Variants in DLC1 observed in about 807,000 individuals in gnomAD.
DLC1 encodes the protein rho GTPase-activating protein 7.
A neutral mutation model predicts 140.3 loss-of-function variants in DLC1; 54 were observed. That is an observed-to-expected ratio of 0.38 (90% CI 0.31 to 0.48). DLC1 has a LOEUF of 0.48. Among genes scored for constraint, DLC1 ranks in the 20% least tolerant of loss-of-function variants. DLC1 has a pLI of 0.96. For missense variants in DLC1, 2,536 were observed against 1,907.0 expected, an observed-to-expected ratio of 1.33 and a Z score of -6.14; for synonymous variants, 986 against 728.1, an observed-to-expected ratio of 1.35 and a Z score of -5.70.
In DLC1 at chr8:13,499,533, T is replaced by C. The variant is rs145216060; in HGVS notation, c.539A>G (p.Glu180Gly). The change falls in exon 2 of 18, where the codon GAG becomes GGG. Residue 180 changes from glutamate to glycine, a missense_variant. Physicochemically the swap from Glu to Gly is moderately conservative, Grantham distance 98 (BLOSUM62 -2). Transcript: ENST00000276297. ...ACTTATAGAGTCAGTAACTTTTCTCTCCCCACTTTCTTTTACCAGTGCTAA... is the reference window on the plus strand; with the variant it reads ...ACTTATAGAGTCAGTAACTTTTCTCCCCCCACTTTCTTTTACCAGTGCTAA... ...TELALVKESG[E>G]RKVTDSISKS... The C allele has an allele frequency of 6.2e-7, 1 of 1,614,168 alleles. No individual in the cohort carries two copies. Among genetic ancestry groups the C allele is most frequent in the Non-Finnish European group, 8.5e-7 (1 of 1,180,022 alleles).
In DLC1 at chr8:13,493,105, G is replaced by T. The variant is rs528895069; in HGVS notation, c.1023+5944C>A. Among the ~76,000 whole-genome samples the T allele has an allele frequency of 1.6e-4, 25 of 152,262 alleles. No homozygotes were observed. The South Asian group carries it at 4.8e-3, about 29-fold the overall frequency. Reference sequence around the variant, plus strand: ...GTTTCATTGCCAGCTCCAGTCTTTAGCCTAGGGAAACAAGTGTCAAAACAA... The same window carrying T: ...GTTTCATTGCCAGCTCCAGTCTTTATCCTAGGGAAACAAGTGTCAAAACAA... On this transcript the variant is annotated intron_variant, in intron 2 of 17. Transcript: ENST00000276297.
At chr8:13,554,755 G>T (rs898400089) in intron 1 of DLC1, among the ~76,000 whole-genome samples, 1 of 152,138 alleles carries the variant, frequency 6.6e-6, no homozygotes, top group East Asian at 1.9e-4. Context: ...CTGCCTTTAT[G>T]CTCTGGTTCT....
intron 1 of DLC1, among the ~76,000 whole-genome samples, chr8:13,590,453 G>C (rs925702692): frequency 6.6e-6 from 1 of 152,150 alleles, no homozygotes. Context: ...CATGAAAACA[G>C]CTGGTTCTTT....
chr8:13,463,785 A>T (rs972111281), intron 2 of DLC1, among the ~76,000 whole-genome samples: 1 of 152,144 alleles, frequency 6.6e-6, no homozygotes, highest in African/African-American at 2.4e-5. Flanking sequence ...AAAGACTGGG[A>T]TTATCATCCT....
At chr8:13,136,095 G>T (rs1282125952) in intron 5 of DLC1, among the ~76,000 whole-genome samples, 1 of 152,190 alleles carries the variant, frequency 6.6e-6, no homozygotes, top group Admixed American at 6.5e-5. Flanking sequence ...GCTACATTTT[G>T]AAAGCTGCTA....
intron 4 of DLC1, among the ~76,000 whole-genome samples, chr8:13,348,844 G>A (rs1834496284): frequency 6.6e-6 from 1 of 152,186 alleles, no homozygotes; most frequent in Non-Finnish European, 1.5e-5. Context: ...GCTAAAGGCT[G>A]CAGAGAGCTG....
chr8:13,146,426 T>C (rs1419998435), intron 5 of DLC1, among the ~76,000 whole-genome samples: 1 of 152,120 alleles, frequency 6.6e-6, no homozygotes, highest in East Asian at 1.9e-4. Context: ...ACTAGTGAGC[T>C]AGTGATACTA....
intron 5 of DLC1, among the ~76,000 whole-genome samples, chr8:13,290,133 C>G (rs1586077992): frequency 6.6e-6 from 1 of 152,092 alleles, no homozygotes; most frequent in African/African-American, 2.4e-5. Context: ...TAAAATGTGA[C>G]TTTTTGGTAG....
chr8:13,316,335 CAG>C (rs766732183), intron 4 of DLC1, among the ~76,000 whole-genome samples: 1 of 152,012 alleles, frequency 6.6e-6, no homozygotes, highest in Non-Finnish European at 1.5e-5. Flanking sequence ...CTAGTATATA[CAG>C]AGTCATAGGT....
At chr8:13,257,452 A>T (rs956874024) in intron 5 of DLC1, among the ~76,000 whole-genome samples, 1 of 151,816 alleles carries the variant, frequency 6.6e-6, no homozygotes, top group African/African-American at 2.4e-5. Context: ...AAAAAAAAAA[A>T]AAAAAAGCAA....
chr8:13,252,489 A>G (rs1830051435), intron 5 of DLC1, among the ~76,000 whole-genome samples: 1 of 152,202 alleles, frequency 6.6e-6, no homozygotes, highest in Non-Finnish European at 1.5e-5. Context: ...TGTTGCTGTT[A>G]TAGGCTGTTA....
At chr8:13,183,522 T>G (rs922462497) in intron 5 of DLC1, among the ~76,000 whole-genome samples, 1 of 152,228 alleles carries the variant, frequency 6.6e-6, no homozygotes, top group African/African-American at 2.4e-5. Context: ...GTTTTTAGCA[T>G]GAAGGGCTGT....
At chr8:13,404,814 A>T (rs1323009581) in intron 2 of DLC1, among the ~76,000 whole-genome samples, 3 of 152,124 alleles carry the variant, frequency 2.0e-5, no homozygotes. Context: ...CCTGGCCAAC[A>T]TGGTGAAACC....
chr8:13,152,967 C>T (rs922550723), intron 5 of DLC1, among the ~76,000 whole-genome samples: 8 of 152,062 alleles, frequency 5.3e-5, no homozygotes, highest in Non-Finnish European at 1.0e-4. Context: ...CCATAACAGA[C>T]TTTAAGGTAT....
intron 1 of DLC1, among the ~76,000 whole-genome samples, chr8:13,576,834 C>T (rs1237946722): frequency 6.6e-6 from 1 of 152,170 alleles, no homozygotes; most frequent in Non-Finnish European, 1.5e-5. Flanking sequence ...TGTGCAAGTG[C>T]CCTACGAGTA....
chr8:13,365,404 C>G (rs1273354753), intron 4 of DLC1, among the ~76,000 whole-genome samples: 1 of 152,100 alleles, frequency 6.6e-6, no homozygotes, highest in Non-Finnish European at 1.5e-5. Flanking sequence ...CTACTGGCCT[C>G]AATTCACTTG....
chr8:13,150,702 C>T (rs1429810285), intron 5 of DLC1, among the ~76,000 whole-genome samples: 1 of 152,208 alleles, frequency 6.6e-6, no homozygotes, highest in Non-Finnish European at 1.5e-5. Flanking sequence ...CTCTAAAGGA[C>T]CCGTGCTTTT....
chr8:13,568,601 A>T (rs1804538943), intron 1 of DLC1, among the ~76,000 whole-genome samples: 1 of 152,192 alleles, frequency 6.6e-6, no homozygotes, highest in Non-Finnish European at 1.5e-5. Flanking sequence ...TAAGAAGAGA[A>T]GCAGGGTTGA....
intron 5 of DLC1, among the ~76,000 whole-genome samples, chr8:13,208,091 G>C (rs900941011): frequency 1.2e-4 from 18 of 152,044 alleles, no homozygotes; most frequent in African/African-American, 4.1e-4. Context: ...TTAAACCATG[G>C]GTTGACTAGA....
Sources: allele counts gnomAD v4.1 joint callset (sites outside exome capture counted in the v4.1 genomes callset), GRCh38; gene constraint gnomAD v4.1.1; transcripts MANE v1.5; gene names NCBI Gene and HGNC (gene_info 2026-07-23, HGNC 2026-07-21).